The following EFCAB8 variants were observed in gnomAD, a reference collection of about 807,000 sequenced individuals.
The protein encoded by EFCAB8 is EF-hand calcium-binding domain-containing protein 8.
Under a neutral mutation model 116.3 loss-of-function variants are expected in EFCAB8, and 100 were observed. The observed-to-expected ratio is 0.86, with a 90% confidence interval of 0.73 to 1.02. The LOEUF is 1.02. Ranked by LOEUF, EFCAB8 falls within the 50% of genes least tolerant of loss-of-function variation. The probability of loss-of-function intolerance (pLI) is 0.00; values close to 1 mark genes in which losing one functional copy is unlikely to be tolerated. For missense variants in EFCAB8, 1,320 were observed against 1,416.9 expected (o/e 0.93, Z 1.10); for synonymous variants, 558 against 567.9 (o/e 0.98, Z 0.25).
chr20:32,902,617 C>T (rs1410503142), intron 11 of EFCAB8, among the ~76,000 whole-genome samples: 1 of 152,224 alleles, frequency 6.6e-6, no homozygotes, highest in African/African-American at 2.4e-5. Context: ...AGTGTTGGCA[C>T]ACCCCATGCA....
At chr20:32,891,270 A>G (rs1443835440) in intron 7 of EFCAB8, among the ~76,000 whole-genome samples, 3 of 151,812 alleles carry the variant, frequency 2.0e-5, no homozygotes, top group Non-Finnish European at 2.9e-5. Flanking sequence ...ATTTTGGTTG[A>G]AAAAAAAATA....
At position 32,944,041 on chromosome 20, in the gene EFCAB8, A is replaced by C. The variant is rs571224997; in HGVS notation, c.2959+237A>C. On this transcript the variant is annotated intron_variant, in intron 23 of 26. Transcript: ENST00000400522. Reference sequence around the variant, plus strand: ...TATATTTTTGCAAATCATATATCTGATAAAGCATATTCCTTTCTCTTTTAA... The same window carrying C: ...TATATTTTTGCAAATCATATATCTGCTAAAGCATATTCCTTTCTCTTTTAA... Among the ~76,000 whole-genome samples the C allele has an allele frequency of 7.9e-5, 12 of 152,362 alleles. No homozygotes were observed. The South Asian group carries it at 1.7e-3, about 21-fold the overall frequency.
intron 20 of EFCAB8, among the ~76,000 whole-genome samples, chr20:32,923,834 T>C (rs1311841452): frequency 6.6e-6 from 1 of 152,172 alleles, no homozygotes; most frequent in African/African-American, 2.4e-5. Flanking sequence ...AGAGTCTGTA[T>C]AGCTATCTGC....
Position 32,892,227 on chromosome 20 carries a change from A to G in EFCAB8, c.688A>G (p.Ser230Gly). The G allele has an allele frequency of 6.4e-7, 1 of 1,550,460 alleles. No individual in the cohort carries two copies. The highest frequency in any genetic ancestry group is 8.7e-7 in the Non-Finnish European group (1 of 1,146,244). The change falls in exon 8 of 27, where the codon AGT becomes GGT. Residue 230 changes from serine (S) to glycine (G), a missense_variant. Physicochemically the swap from Ser to Gly is moderately conservative, Grantham distance 56 (BLOSUM62 0). Coordinates refer to ENST00000400522, the MANE Select transcript of EFCAB8 (RefSeq NM_001143967.2). ...TRQKIDFFDI[S>G]DHKCVRAFTF... Reference sequence around the variant, plus strand: ...CTTTCCCCCAGATTTCTTTGATATTAGTGACCACAAATGTGTCCGGGCCTT... The same window carrying G: ...CTTTCCCCCAGATTTCTTTGATATTGGTGACCACAAATGTGTCCGGGCCTT...
chr20:32,866,155 A>G (rs1417989968), intron 2 of EFCAB8, among the ~76,000 whole-genome samples: 1 of 152,182 alleles, frequency 6.6e-6, no homozygotes, highest in African/African-American at 2.4e-5. Flanking sequence ...ACAGTGCTGT[A>G]TCCACAGTGC....
chr20:32,930,762 G>T, intron 21 of EFCAB8, 146 bp downstream of exon 21: 1 of 783,560 alleles, frequency 1.3e-6, no homozygotes, highest in Non-Finnish European at 2.0e-6. Flanking sequence ...GTCCTCTCCT[G>T]CTCTGCTAAG....
chr20:32,888,780 TG>T (rs1985760966), intron 6 of EFCAB8, among the ~76,000 whole-genome samples: 1 of 152,292 alleles, frequency 6.6e-6, no homozygotes, highest in East Asian at 1.9e-4. Flanking sequence ...AATGTCTGGG[TG>T]GTGTCCATGG....
intron 3 of EFCAB8, among the ~76,000 whole-genome samples, chr20:32,874,990 C>T (rs1984878245): frequency 6.6e-6 from 1 of 152,102 alleles, no homozygotes; most frequent in Non-Finnish European, 1.5e-5. Context: ...CTCAGGTGAT[C>T]TTCCCGCCTC....
intron 3 of EFCAB8, among the ~76,000 whole-genome samples, chr20:32,868,250 C>T (rs546483094): frequency 2.6e-5 from 4 of 152,132 alleles, no homozygotes; most frequent in Non-Finnish European, 4.4e-5. Context: ...ATTGTAGAGA[C>T]GAGGTCTTGC....
At chr20:32,931,574 T>G (rs1452449648) in intron 22 of EFCAB8, among the ~76,000 whole-genome samples, 1 of 152,050 alleles carries the variant, frequency 6.6e-6, no homozygotes, top group Non-Finnish European at 1.5e-5. Flanking sequence ...CTGACCAACA[T>G]GGTGAAACCC....
At chr20:32,907,512 C>T (rs540238934) in intron 13 of EFCAB8, among the ~76,000 whole-genome samples, 1 of 152,228 alleles carries the variant, frequency 6.6e-6, no homozygotes, top group Non-Finnish European at 1.5e-5. Flanking sequence ...GCTCAGGATA[C>T]TGCCCCGTCT....
At chr20:32,916,382 T>C (rs2146254669) in intron 17 of EFCAB8, among the ~76,000 whole-genome samples, 1 of 152,298 alleles carries the variant, frequency 6.6e-6, no homozygotes, top group African/African-American at 2.4e-5. Context: ...CTCAGCCTCC[T>C]GAATAGCTAG....
chr20:32,866,576 C>A (rs1342846182), intron 2 of EFCAB8, among the ~76,000 whole-genome samples: 1 of 151,808 alleles, frequency 6.6e-6, no homozygotes, highest in Non-Finnish European at 1.5e-5. Context: ...TGAGGGAGAA[C>A]CCCCAGTGGA....
chr20:32,948,987 C>A (rs544033332), intron 23 of EFCAB8, among the ~76,000 whole-genome samples: 31 of 150,712 alleles, frequency 2.1e-4, no homozygotes, highest in Non-Finnish European at 4.1e-4. Flanking sequence ...GAGTAGAGGG[C>A]AATTACAGAA....
chr20:32,961,353 C>G lies in EFCAB8; in HGVS notation c.3611C>G (p.Ser1204Cys), dbSNP rs1357600836. 6.8e-7 allele frequency: 1 copy of G among 1,471,030 alleles called. No individual in the cohort carries two copies. The highest frequency in any genetic ancestry group is 9.0e-7 in the Non-Finnish European group (1 of 1,110,172). The allele number at this position is 1,471,030 out of a possible 1,614,324, so 91.1% of individuals were successfully genotyped here. ...AAASSPSSLL[S>C]VTASASRLLD... ...GCCTCCTCCCCATCTTCCTTGTTAT[C>G]TGTCACTGCCTCAGCCTCCAGGCTG... The change falls in exon 27 of 27, where the codon TCT (serine) becomes TGT (cysteine). Residue 1204 changes from serine (S) to cysteine (C), a missense_variant. Transcript: ENST00000400522.
intron 19 of EFCAB8, among the ~76,000 whole-genome samples, chr20:32,919,802 A>G (rs1238794751): frequency 6.6e-6 from 1 of 152,014 alleles, no homozygotes; most frequent in Non-Finnish European, 1.5e-5. Context: ...ACCGACCTTT[A>G]TCCTCATTTT....
chr20:32,945,250 C>T (rs895524013), intron 23 of EFCAB8, among the ~76,000 whole-genome samples: 2 of 152,076 alleles, frequency 1.3e-5, no homozygotes, highest in Non-Finnish European at 2.9e-5. Context: ...CCTTGACCTC[C>T]CAGCCTCAAG....
chr20:32,921,618 A>C (rs1015805880), intron 20 of EFCAB8, among the ~76,000 whole-genome samples: 1 of 152,052 alleles, frequency 6.6e-6, no homozygotes, highest in East Asian at 1.9e-4. Context: ...TAAAAATAAA[A>C]GTCCCCTATA....
intron 3 of EFCAB8, among the ~76,000 whole-genome samples, chr20:32,868,043 A>G (rs949540851): frequency 3.3e-5 from 5 of 151,678 alleles, no homozygotes; most frequent in East Asian, 1.9e-4. Flanking sequence ...AGGGCTTGCT[A>G]TTAGGTTGGT....
Sources: allele counts gnomAD v4.1 joint callset (sites outside exome capture counted in the v4.1 genomes callset), GRCh38; gene constraint gnomAD v4.1.1; transcripts MANE v1.5; gene names NCBI Gene and HGNC (gene_info 2026-07-23, HGNC 2026-07-21).